Variants in LRP2 observed in about 807,000 individuals in gnomAD.
LRP2 encodes low-density lipoprotein receptor-related protein 2.
LRP2 carries 172 observed loss-of-function variants against 531.0 expected under a neutral mutation model. The ratio of observed to expected loss-of-function variants is 0.32; its 90% confidence interval spans 0.29 to 0.37. The LOEUF is 0.37. Ranked by LOEUF, LRP2 falls within the 10% of genes least tolerant of loss-of-function variation. The pLI, the probability that LRP2 is intolerant of heterozygous loss-of-function variation, is 1.00. For synonymous variants in LRP2, 1,992 were observed against 2,027.6 expected (o/e 0.98, Z 0.47); for missense variants, 5,167 against 5,868.3 (o/e 0.88, Z 3.90).
At position 169,157,482 on chromosome 2, in the gene LRP2, A is replaced by G; in HGVS notation, c.11908T>C (p.Cys3970Arg). The change falls in exon 64 of 79, where the codon TGT (cysteine) becomes CGT (arginine). Residue 3970 changes from cysteine to arginine, a missense_variant. By Grantham distance (180) the Cys-to-Arg change is radical (BLOSUM62 -3). Around this residue, in one of 6 missense-constraint regions of LRP2, gnomAD observed 564 missense variants for 747.7 expected, o/e 0.75. Coordinates refer to ENST00000649046, the MANE Select transcript of LRP2 (RefSeq NM_004525.3). The part of the protein sequence containing the change: ...LGCNKGKERT[C>R]AENICEQNCT... The stretch of plus-strand genomic sequence containing the variant: ...TTTTGCTCGCATATATTTTCAGCAC[A>G]TGTTCTTTCTTTTCCTTTATCTGAA... 1.2e-6 allele frequency: 2 copies of G among 1,613,154 alleles called. No homozygotes were observed. The highest frequency in any genetic ancestry group is 8.5e-7 in the Non-Finnish European group (1 of 1,179,430).
In LRP2 at chr2:169,170,586, T is replaced by C. The variant is rs535120918; in HGVS notation, c.11345A>G (p.Asn3782Ser). The change falls in exon 59 of 79, where the codon AAC becomes AGC. Residue 3782 changes from asparagine to serine, a missense_variant. Transcript: ENST00000649046. ...IPSRWICDHY[N>S]DCGDNSDERD... Reference sequence around the variant, plus strand: ...TTCATCTGAGTTGTCCCCACAGTCGTTGTAATGGTCACAGATCCATCGCGA... The same window carrying C: ...TTCATCTGAGTTGTCCCCACAGTCGCTGTAATGGTCACAGATCCATCGCGA... 1.2e-6 allele frequency: 2 copies of C among 1,614,086 alleles called. No individual in the cohort carries two copies. Among genetic ancestry groups the C allele is most frequent in the South Asian group, 1.1e-5 (1 of 91,084 alleles).
intron 1 of LRP2, among the ~76,000 whole-genome samples, chr2:169,348,987 C>T (rs1201357101): frequency 6.6e-6 from 1 of 152,126 alleles, no homozygotes; most frequent in East Asian, 1.9e-4. Flanking sequence ...GCTGAGGATG[C>T]CCCTTCTTAG....
intron 67 of LRP2, among the ~76,000 whole-genome samples, chr2:169,152,381 C>T (rs925238818): frequency 4.6e-5 from 7 of 152,212 alleles, no homozygotes; most frequent in African/African-American, 1.4e-4. Context: ...ATCTCAACTG[C>T]TTTGCTGGGA....
intron 1 of LRP2, among the ~76,000 whole-genome samples, chr2:169,351,746 T>C (rs747990866): frequency 6.6e-6 from 1 of 152,178 alleles, no homozygotes; most frequent in Non-Finnish European, 1.5e-5. Flanking sequence ...GCGAGGCTAG[T>C]CAGTATAGTT....
At chr2:169,219,836 A>G (rs1415664069) in intron 34 of LRP2, among the ~76,000 whole-genome samples, 1 of 152,092 alleles carries the variant, frequency 6.6e-6, no homozygotes, top group Non-Finnish European at 1.5e-5. Flanking sequence ...AAAAATCCCT[A>G]CTTGCTCCTT....
At chr2:169,202,582 T>C (rs1392065942) in intron 43 of LRP2, among the ~76,000 whole-genome samples, 174 bp downstream of exon 43, 1 of 152,218 alleles carries the variant, frequency 6.6e-6, no homozygotes, top group East Asian at 1.9e-4. Flanking sequence ...TCTTAACCAC[T>C]ACAGAGGTGA....
intron 1 of LRP2, among the ~76,000 whole-genome samples, chr2:169,347,163 A>G (rs566502103): frequency 1.8e-4 from 28 of 152,276 alleles, no homozygotes; most frequent in African/African-American, 6.7e-4. Flanking sequence ...GTGCATTACT[A>G]TCTCAACTAA....
At position 169,320,831 on chromosome 2, in the gene LRP2, A is replaced by T. The variant is rs1453272607; in HGVS notation, c.133T>A (p.Trp45Arg). 1 of 1,614,064 alleles carries T rather than the reference A, an allele frequency of 6.2e-7. No homozygotes were observed. The highest frequency in any genetic ancestry group is 8.5e-7 in the Non-Finnish European group (1 of 1,180,010). Residue 45 changes from tryptophan (W) to arginine (R), a missense_variant, in exon 2 of 79, where the codon TGG becomes AGG. Transcript: ENST00000649046. ...CAGTCTTTGGTCCCATCACACCTCCAGTCTGCAGGGATGCAATGCCCACTT... is the reference window on the plus strand; with the variant it reads ...CAGTCTTTGGTCCCATCACACCTCCTGTCTGCAGGGATGCAATGCCCACTT... ...CGSGHCIPAD[W>R]RCDGTKDCSD...
chr2:169,248,398 A>C (rs950559259), intron 19 of LRP2, among the ~76,000 whole-genome samples: 2 of 152,222 alleles, frequency 1.3e-5, no homozygotes, highest in Non-Finnish European at 2.9e-5. Flanking sequence ...ATGACCAATC[A>C]GTCATTGGAC....
chr2:169,280,947 A>G (rs1477001199), intron 10 of LRP2, among the ~76,000 whole-genome samples: 1 of 152,218 alleles, frequency 6.6e-6, no homozygotes, highest in Non-Finnish European at 1.5e-5. Context: ...AAAGATGGTA[A>G]TGGTGGTTCC....
intron 48 of LRP2, among the ~76,000 whole-genome samples, chr2:169,190,405 A>G (rs989622521): frequency 5.3e-5 from 8 of 152,142 alleles, no homozygotes; most frequent in Admixed American, 5.2e-4. Context: ...TCCTGATAGC[A>G]TTTATCTACT....
At chr2:169,314,002 TTATATGTAG>T (rs1319490915) in intron 3 of LRP2, among the ~76,000 whole-genome samples, 2 of 152,236 alleles carry the variant, frequency 1.3e-5, no homozygotes, top group Non-Finnish European at 2.9e-5. Flanking sequence ...CTTCTTTTAC[TTATATGTAG>T]TATAGATATT....
rs1559073963 is a variant in LRP2, at chr2:169,320,846, A to G, written c.118T>C (p.Cys40Arg). 1.2e-6 allele frequency: 2 copies of G among 1,614,174 alleles called. No individual in the cohort carries two copies. The highest frequency in any genetic ancestry group is 2.7e-5 in the African/African-American group (2 of 75,050). Reference protein sequence around the residue: ...SAHFRCGSGHCIPADWRCDGT... With the variant: ...SAHFRCGSGHRIPADWRCDGT... ...TCACACCTCCAGTCTGCAGGGATGCAATGCCCACTTCCACAGCGAAAATGC... is the reference window on the plus strand; with the variant it reads ...TCACACCTCCAGTCTGCAGGGATGCGATGCCCACTTCCACAGCGAAAATGC... The change falls in exon 2 of 79, where the codon TGC (cysteine) becomes CGC (arginine). Residue 40 changes from cysteine (C) to arginine (R), a missense_variant. Cys to Arg is a radical substitution (Grantham distance 180). Coordinates refer to ENST00000649046, the MANE Select transcript of LRP2 (RefSeq NM_004525.3).
chr2:169,209,545 C>G lies in LRP2; in HGVS notation c.6377G>C (p.Arg2126Thr). 6.2e-7 allele frequency: 1 copy of G among 1,614,068 alleles called. No homozygotes were observed. Among genetic ancestry groups the G allele is most frequent in the Non-Finnish European group, 8.5e-7 (1 of 1,179,988 alleles). Residue 2126 changes from arginine to threonine, a missense_variant, in exon 38 of 79, where the codon AGA becomes ACA. Transcript: ENST00000649046. ...SSVASDNAIR[R>T]IKPDGSSLMN... ...CAGAGAAGATCCATCTGGTTTAATT[C>G]TACGGATCGCATTATCAGATGCCAC... is the stretch of plus-strand genomic sequence containing the variant.
chr2:169,162,334 G>T, intron 63 of LRP2, 138 bp downstream of exon 63: 1 of 920,618 alleles, frequency 1.1e-6, no homozygotes, highest in Non-Finnish European at 1.8e-6. Flanking sequence ...GTCACAGCTA[G>T]CTATGGGCTT....
chr2:169,196,523 C>A (rs990308283), intron 46 of LRP2, among the ~76,000 whole-genome samples: 1 of 152,154 alleles, frequency 6.6e-6, no homozygotes, highest in Admixed American at 6.5e-5. Context: ...CTAATATACT[C>A]CTTCCCCATG....
At chr2:169,234,111 T>C (rs1689515021) in intron 29 of LRP2, among the ~76,000 whole-genome samples, 1 of 152,226 alleles carries the variant, frequency 6.6e-6, no homozygotes, top group South Asian at 2.1e-4. Context: ...ATTTTTTCTC[T>C]TTTTTAAATT....
chr2:169,184,208 C>T (rs1687543681), intron 50 of LRP2, among the ~76,000 whole-genome samples: 1 of 152,140 alleles, frequency 6.6e-6, no homozygotes, highest in Non-Finnish European at 1.5e-5. Context: ...AAGAACAGTA[C>T]CATGCTCAGT....
At position 169,299,123 on chromosome 2, in the gene LRP2, G is replaced by GAAAA. The variant is rs1375043180; in HGVS notation, c.428-4414_428-4413insTTTT. Among the ~76,000 whole-genome samples the GAAAA allele has an allele frequency of 2.2e-3, 192 of 88,092 alleles. 4 individuals carry two copies. Among genetic ancestry groups the GAAAA allele is most frequent in the African/African-American group, 8.0e-3 (183 of 23,008 alleles). The allele number at this position is 88,092 out of a possible 152,430, so 57.8% of individuals were successfully genotyped here. A position where few individuals can be genotyped will look rare whatever the true frequency, so the allele number is the denominator to read the frequency against. Reference sequence around the variant, plus strand: ...AGAAAGAAAGAAAGAAAGAAAGAAAGAAAGAAAGAAAGAAAGAAAGAAAGA... The same window carrying GAAAA: ...AGAAAGAAAGAAAGAAAGAAAGAAAGAAAAAAAGAAAGAAAGAAAGAAAGAAAGA... On this transcript the variant is annotated intron_variant, in intron 4 of 78. Transcript: ENST00000649046.
Sources: gnomAD v4.1 joint callset for allele counts (sites outside exome capture counted in the v4.1 genomes callset) on GRCh38, gnomAD v4.1.1 for gene constraint, gnomAD v4.1.1 regional missense constraint, MANE v1.5 for transcripts, NCBI Gene and HGNC (gene_info 2026-07-23, HGNC 2026-07-21) for gene names.